The following CFAP299 variants were observed in gnomAD, a reference collection of about 807,000 sequenced individuals.
CFAP299 encodes cilia and flagella associated protein 299.
A neutral mutation model predicts 27.0 loss-of-function variants in CFAP299; 21 were observed. The observed-to-expected ratio is 0.78, with a 90% CI of 0.55 to 1.12. CFAP299 has a LOEUF of 1.12. Among genes scored for constraint, CFAP299 ranks in the 50% most tolerant of loss-of-function variants. CFAP299 has a pLI of 0.00. For synonymous variants in CFAP299, 104 were observed against 98.1 expected, an observed-to-expected ratio of 1.06 and a Z score of -0.36; for missense variants, 310 against 276.6, an observed-to-expected ratio of 1.12 and a Z score of -0.86.
intron 3 of CFAP299, among the ~76,000 whole-genome samples, chr4:80,659,039 A>G: frequency 6.6e-6 from 1 of 152,294 alleles, no homozygotes; most frequent in East Asian, 1.9e-4. Flanking sequence ...TACAGACTTT[A>G]TGAAATATTT....
intron 3 of CFAP299, among the ~76,000 whole-genome samples, chr4:80,728,235 CT>C (rs1560720467): frequency 1.3e-5 from 2 of 151,838 alleles, no homozygotes; most frequent in Admixed American, 1.3e-4. Flanking sequence ...ATAGAATATT[CT>C]TTTTTAAAAA....
At chr4:80,854,695 T>C (rs1405171695) in intron 3 of CFAP299, among the ~76,000 whole-genome samples, 1 of 150,322 alleles carries the variant, frequency 6.7e-6, no homozygotes, top group East Asian at 1.9e-4. Flanking sequence ...CGTGAAAGTT[T>C]GATGAGAGAG....
At chr4:80,941,160 C>G (rs1045003261) in intron 4 of CFAP299, among the ~76,000 whole-genome samples, 2 of 152,120 alleles carry the variant, frequency 1.3e-5, no homozygotes, top group African/African-American at 4.8e-5. Context: ...AGTTGTTACA[C>G]TGTACTGTTT....
intron 3 of CFAP299, among the ~76,000 whole-genome samples, chr4:80,854,763 A>G (rs1731728833): frequency 6.9e-6 from 1 of 144,400 alleles, no homozygotes; most frequent in African/African-American, 2.6e-5. Flanking sequence ...TTTTACTGAG[A>G]CCAGTCATCA....
At chr4:80,774,251 G>T (rs1452973358) in intron 3 of CFAP299, among the ~76,000 whole-genome samples, 1 of 151,670 alleles carries the variant, frequency 6.6e-6, no homozygotes, top group Non-Finnish European at 1.5e-5. Context: ...TTTTTTCCAG[G>T]CACATAAGTT....
intron 2 of CFAP299, among the ~76,000 whole-genome samples, chr4:80,576,702 G>A (rs1184407318): frequency 1.3e-5 from 2 of 152,040 alleles, no homozygotes; most frequent in Non-Finnish European, 2.9e-5. Flanking sequence ...CTCAACTACT[G>A]TTTTTCACTT....
intron 3 of CFAP299, among the ~76,000 whole-genome samples, chr4:80,799,867 T>C (rs1434663579): frequency 3.2e-5 from 1 of 31,172 alleles, no homozygotes; most frequent in African/African-American, 1.6e-4. Flanking sequence ...ATATATATTA[T>C]ATATATTATA....
chr4:80,791,094 T>G (rs1384021734), intron 3 of CFAP299, among the ~76,000 whole-genome samples: 1 of 152,122 alleles, frequency 6.6e-6, no homozygotes, highest in Non-Finnish European at 1.5e-5. Flanking sequence ...TGACTAGCTC[T>G]TAACCATCTT....
At chr4:80,662,742 T>C (rs982112850) in intron 3 of CFAP299, among the ~76,000 whole-genome samples, 4 of 152,086 alleles carry the variant, frequency 2.6e-5, no homozygotes, top group African/African-American at 7.2e-5. Flanking sequence ...AAATAGAATG[T>C]AAGTGTGAAA....
chr4:80,568,837 A>T (rs11733793), intron 2 of CFAP299, among the ~76,000 whole-genome samples: 6,478 of 152,180 alleles, frequency 0.043, 427 homozygotes, highest in African/African-American at 0.14. Flanking sequence ...GGCACAGGGA[A>T]CTGTGCAATG....
At chr4:80,920,528 C>A (rs1735993041) in intron 4 of CFAP299, among the ~76,000 whole-genome samples, 2 of 152,246 alleles carry the variant, frequency 1.3e-5, no homozygotes, top group Non-Finnish European at 2.9e-5. Flanking sequence ...CTAATTCTAG[C>A]TCCTTCTCCT....
intron 2 of CFAP299, among the ~76,000 whole-genome samples, chr4:80,414,770 T>C (rs964988105): frequency 6.6e-5 from 10 of 152,242 alleles, no homozygotes; most frequent in African/African-American, 2.4e-4. Context: ...ACCCCCTCTG[T>C]ACCCACAACA....
At chr4:80,770,633 G>A (rs1334831810) in intron 3 of CFAP299, among the ~76,000 whole-genome samples, 1 of 152,148 alleles carries the variant, frequency 6.6e-6, no homozygotes, top group African/African-American at 2.4e-5. Context: ...TATAAAAAAT[G>A]TGTATACATA....
intron 2 of CFAP299, among the ~76,000 whole-genome samples, chr4:80,521,051 G>T (rs1034459685): frequency 1.3e-5 from 2 of 152,072 alleles, no homozygotes; most frequent in African/African-American, 4.8e-5. Flanking sequence ...AAACTTTTGC[G>T]ATTAAAACAA....
chr4:80,958,162 T>A (rs1473898410), intron 5 of CFAP299, among the ~76,000 whole-genome samples: 1 of 152,118 alleles, frequency 6.6e-6, no homozygotes, highest in East Asian at 1.9e-4. Context: ...AGTCCCCAAA[T>A]ACCTTAAGAT....
At chr4:80,357,322 G>C (rs1388974417) in intron 1 of CFAP299, among the ~76,000 whole-genome samples, 1 of 152,138 alleles carries the variant, frequency 6.6e-6, no homozygotes, top group East Asian at 1.9e-4. Flanking sequence ...TCTCTGCCAG[G>C]TTTTGGTATC....
intron 3 of CFAP299, chr4:80,608,238 T>G: frequency 5.3e-6 from 4 of 758,506 alleles, no homozygotes; most frequent in Non-Finnish European, 4.3e-6. Context: ...ATTCCAACAG[T>G]ACCAGAGGGT....
intron 3 of CFAP299, among the ~76,000 whole-genome samples, chr4:80,710,948 C>T (rs1196605165): frequency 6.6e-6 from 1 of 152,094 alleles, no homozygotes; most frequent in African/African-American, 2.4e-5. Flanking sequence ...CCCAGGTAAA[C>T]CTCCAGAGTG....
rs537400774 is a variant in CFAP299, at chr4:80,827,079, C to A, written c.334-42914C>A. Among the ~76,000 whole-genome samples the A allele has an allele frequency of 4.6e-5, 7 of 151,834 alleles. No individual in the cohort carries two copies. In the South Asian group the frequency reaches 1.2e-3, roughly 27 times the overall value. ...CAAATGCTTACATTAAAACAGAGATCTCAAATTAACAACCCAACATTATAA... is the reference window on the plus strand; with the variant it reads ...CAAATGCTTACATTAAAACAGAGATATCAAATTAACAACCCAACATTATAA... On this transcript the variant is annotated intron_variant, in intron 3 of 5. Transcript: ENST00000358105.
Sources: allele counts gnomAD v4.1 joint callset (sites outside exome capture counted in the v4.1 genomes callset), GRCh38; gene constraint gnomAD v4.1.1; transcripts MANE v1.5; gene names NCBI Gene and HGNC (gene_info 2026-07-23, HGNC 2026-07-21).